Variants in GMEB1 observed in about 807,000 individuals in gnomAD.
The protein encoded by GMEB1 is glucocorticoid modulatory element binding protein 1, also known as glucocorticoid modulatory element-binding protein 1.
In GMEB1, 6 loss-of-function variants were observed where a neutral mutation model predicts 52.4. The observed-to-expected ratio is 0.11, with a 90% confidence interval of 0.06 to 0.23. GMEB1 has a LOEUF of 0.23. Among genes scored for constraint, GMEB1 ranks in the 10% least tolerant of loss-of-function variants. The pLI is 1.00. For synonymous variants in GMEB1, 255 were observed against 244.9 expected, an observed-to-expected ratio of 1.04 and a Z score of -0.38; for missense variants, 486 against 685.6, an observed-to-expected ratio of 0.71 and a Z score of 3.25.
At chr1:28,683,373 G>C (rs552582671) in intron 1 of GMEB1, among the ~76,000 whole-genome samples, 2 of 151,912 alleles carry the variant, frequency 1.3e-5, no homozygotes, top group Non-Finnish European at 2.9e-5. Context: ...TTACAGATAC[G>C]CTCCACCACG....
chr1:28,705,951 G>A (rs182429304), intron 8 of GMEB1, among the ~76,000 whole-genome samples: 2 of 146,696 alleles, frequency 1.4e-5, no homozygotes, highest in East Asian at 2.2e-4. Context: ...TCAGGAGATC[G>A]AGACCATCCT....
chr1:28,702,349 G>C, intron 6 of GMEB1, 89 bp from the exon 7 acceptor site: 1 of 972,166 alleles, frequency 1.0e-6, no homozygotes, highest in Non-Finnish European at 1.5e-6. Context: ...AAAATAACAA[G>C]GTCTTTGTAG....
At chr1:28,683,289 G>T (rs1669480515) in intron 1 of GMEB1, among the ~76,000 whole-genome samples, 1 of 151,678 alleles carries the variant, frequency 6.6e-6, no homozygotes, top group African/African-American at 2.4e-5. Context: ...GCAATGGCAT[G>T]ATCTCGGCTC....
intron 1 of GMEB1, among the ~76,000 whole-genome samples, chr1:28,679,922 G>C (rs912914078): frequency 1.3e-5 from 2 of 151,638 alleles, no homozygotes; most frequent in African/African-American, 4.8e-5. Flanking sequence ...TCTCCTGCCT[G>C]AGCCTCCCAA....
chr1:28,680,604 G>A (rs2124471745), intron 1 of GMEB1, among the ~76,000 whole-genome samples: 1 of 152,138 alleles, frequency 6.6e-6, no homozygotes, highest in South Asian at 2.1e-4. Flanking sequence ...GCGTGGTGGT[G>A]CGTGCCTAAA....
chr1:28,671,024 C>T (rs1454110208), intron 1 of GMEB1, among the ~76,000 whole-genome samples: 1 of 152,168 alleles, frequency 6.6e-6, no homozygotes, highest in East Asian at 1.9e-4. Context: ...CTCCCTCAAA[C>T]ATCTACATAA....
At chr1:28,681,662 G>A (rs1350306460) in intron 1 of GMEB1, among the ~76,000 whole-genome samples, 2 of 152,090 alleles carry the variant, frequency 1.3e-5, no homozygotes, top group Non-Finnish European at 2.9e-5. Context: ...AGGCAAACAA[G>A]TGCTGTGGGA....
At chr1:28,681,241 A>G (rs1359112832) in intron 1 of GMEB1, among the ~76,000 whole-genome samples, 1 of 152,120 alleles carries the variant, frequency 6.6e-6, no homozygotes, top group African/African-American at 2.4e-5. Flanking sequence ...AAATCACAAA[A>G]TGGTTAGCAG....
chr1:28,684,354 G>A (rs1669532688), intron 2 of GMEB1, among the ~76,000 whole-genome samples: 1 of 151,994 alleles, frequency 6.6e-6, no homozygotes, highest in Non-Finnish European at 1.5e-5. Context: ...ATGAGGTCAG[G>A]AGATCAAGAC....
At chr1:28,689,975 A>G in intron 2 of GMEB1, 129 bp from the exon 3 acceptor site, 1 of 580,252 alleles carries the variant, frequency 1.7e-6, no homozygotes, top group Middle Eastern at 2.9e-4. Flanking sequence ...GAAACTAGTC[A>G]GAGTTATAAA....
Position 28,676,724 on chromosome 1 carries a change from C to CAA in GMEB1, c.-30-6851_-30-6850dup, listed in dbSNP as rs756485511. Among the ~76,000 whole-genome samples, 155 of 145,604 alleles carry CAA rather than the reference C, an allele frequency of 1.1e-3. 2 individuals carry two copies. The East Asian group carries it at 0.016, about 15-fold the overall frequency. On this transcript the variant is annotated intron_variant, in intron 1 of 9. Transcript: ENST00000373816. ...TGGGTGACAGAGCAAGACTCCGTCT[C>CAA]AAAAAAAAATAAATAAATAAATAAA...
At chr1:28,694,961 CTTTT>C (rs556692778) in intron 5 of GMEB1, among the ~76,000 whole-genome samples, 2 of 105,486 alleles carry the variant, frequency 1.9e-5, no homozygotes, top group Admixed American at 9.7e-5. Context: ...CGTGGCCAGC[CTTTT>C]TTTTTTTTTT....
intron 6 of GMEB1, 78 bp downstream of exon 6, chr1:28,697,162 CATATATAT>C (rs71586855): frequency 0.012 from 1,733 of 149,002 alleles, 77 homozygotes; most frequent in African/African-American, 0.072. Context: ...CTTGTGTGTA[CATATATAT>C]ATATATATAT....
intron 8 of GMEB1, among the ~76,000 whole-genome samples, chr1:28,707,158 A>G (rs1448951597): frequency 2.0e-5 from 3 of 148,142 alleles, no homozygotes; most frequent in Non-Finnish European, 4.5e-5. Context: ...AATTTTTTAT[A>G]TTTTTTGTAG....
intron 1 of GMEB1, among the ~76,000 whole-genome samples, chr1:28,670,003 A>C (rs1408275530): frequency 3.3e-5 from 5 of 152,168 alleles, no homozygotes; most frequent in Non-Finnish European, 4.4e-5. Flanking sequence ...ACTTCCTAGT[A>C]GACACAGATG....
rs564194738 is a variant in GMEB1, at chr1:28,699,508, C to T, written c.598+2424C>T. Among the ~76,000 whole-genome samples the T allele has an allele frequency of 3.3e-5, 5 of 152,064 alleles. No individual in the cohort carries two copies. The East Asian group carries it at 9.7e-4, about 29-fold the overall frequency. On this transcript the variant is annotated intron_variant, in intron 6 of 9. Transcript: ENST00000373816. ...GCAATGGTGCAATCTTGGCTCACTG[C>T]AACCTCCCCCTCCCGGGTTCAAGCA...
At chr1:28,686,225 C>T (rs1467620704) in intron 2 of GMEB1, among the ~76,000 whole-genome samples, 1 of 151,990 alleles carries the variant, frequency 6.6e-6, no homozygotes, top group Non-Finnish European at 1.5e-5. Context: ...CCTGTAGTTC[C>T]AGCTACTCAG....
chr1:28,672,777 G>A (rs1310392370), intron 1 of GMEB1, among the ~76,000 whole-genome samples: 1 of 125,404 alleles, frequency 8.0e-6, no homozygotes, highest in African/African-American at 2.9e-5. Flanking sequence ...GTCTCGCTCT[G>A]TTGCCAGGCT....
At chr1:28,699,567 T>G (rs2124545714) in intron 6 of GMEB1, among the ~76,000 whole-genome samples, 1 of 152,118 alleles carries the variant, frequency 6.6e-6, no homozygotes, top group South Asian at 2.1e-4. Context: ...GTAGTGAGAT[T>G]ACAGGTGCCC....
Sources: allele counts gnomAD v4.1 joint callset (sites outside exome capture counted in the v4.1 genomes callset), GRCh38; gene constraint gnomAD v4.1.1; transcripts MANE v1.5; gene names NCBI Gene and HGNC (gene_info 2026-07-23, HGNC 2026-07-21).